Variants in LDB3 observed in about 807,000 individuals in gnomAD.
LDB3 encodes the protein LIM domain binding 3.
LDB3 carries 49 observed loss-of-function variants against 69.0 expected under a neutral mutation model. The ratio of observed to expected loss-of-function variants is 0.71; its 90% confidence interval spans 0.56 to 0.90. LDB3 has a LOEUF of 0.90. Among genes scored for constraint, LDB3 ranks in the 40% least tolerant of loss-of-function variants. The pLI, the probability that LDB3 is intolerant of heterozygous loss-of-function variation, is 0.00. For synonymous variants in LDB3, 387 were observed against 396.2 expected, an observed-to-expected ratio of 0.98 and a Z score of 0.28; for missense variants, 928 against 974.1, an observed-to-expected ratio of 0.95 and a Z score of 0.63.
At chr10:86,668,347 G>A (rs1589598071), upstream of LDB3, 1 of 388,602 alleles carries the variant, frequency 2.6e-6, no homozygotes, top group East Asian at 5.8e-5. Context: ...CCCCCCTGGG[G>A]GGTGCTGGGT....
intron 8 of LDB3, among the ~76,000 whole-genome samples, chr10:86,708,315 C>T (rs919642375): frequency 3.9e-5 from 6 of 152,224 alleles, no homozygotes; most frequent in Admixed American, 6.5e-5. Flanking sequence ...AAGCTACCTC[C>T]GCTCCTCACA....
At chr10:86,715,404 G>A (rs956221997) in intron 9 of LDB3, among the ~76,000 whole-genome samples, 1 of 152,120 alleles carries the variant, frequency 6.6e-6, no homozygotes, top group African/African-American at 2.4e-5. Flanking sequence ...CCCTGGCTAG[G>A]TGTTGAGGGC....
At chr10:86,687,149 G>C in intron 5 of LDB3, 1 of 1,614,212 alleles carries the variant, frequency 6.2e-7, no homozygotes, top group East Asian at 2.2e-5. Flanking sequence ...GAGGTGAAGG[G>C]GCTGGGCGGC....
At chr10:86,716,853 G>A (rs1310767193) in intron 10 of LDB3, 82 bp downstream of exon 10, 1 of 1,427,562 alleles carries the variant, frequency 7.0e-7, no homozygotes, top group African/African-American at 1.4e-5. Context: ...AGCCCTGGTT[G>A]GGAGAGATGG....
chr10:86,732,658 T>G, intron 13 of LDB3: 1 of 515,138 alleles, frequency 1.9e-6, no homozygotes, highest in South Asian at 1.7e-5. Context: ...CATGGCAACA[T>G]GCCCCTGGCT....
chr10:86,716,990 A>G (rs1038635716), intron 10 of LDB3, among the ~76,000 whole-genome samples: 1 of 152,218 alleles, frequency 6.6e-6, no homozygotes, highest in African/African-American at 2.4e-5. Flanking sequence ...GAGGAATGGC[A>G]TGAGGTATGT....
chr10:86,686,319 T>C (rs1845465356), intron 5 of LDB3, among the ~76,000 whole-genome samples: 1 of 152,162 alleles, frequency 6.6e-6, no homozygotes. Flanking sequence ...CGGGTGCCAG[T>C]GGAGCCGCTT....
chr10:86,692,429 G>A (rs977837510), intron 6 of LDB3, 106 bp from the exon 7 acceptor site: 24 of 1,147,286 alleles, frequency 2.1e-5, no homozygotes, highest in South Asian at 4.9e-5. Context: ...GGCAGTCACC[G>A]TGTGGGGCCT....
In LDB3 at chr10:86,685,775, A is replaced by C. The variant is rs1845433983; in HGVS notation, c.689+3972A>C. On this transcript the variant is annotated intron_variant, in intron 5 of 13. Transcript: ENST00000361373. ...ATGTGTCTGCGTGTGTCTGGCGTGG[A>C]TAGAGTGTGCCTGCTGGCATGTGTA... 1.9e-6 allele frequency: 3 copies of C among 1,542,746 alleles called. No homozygotes were observed. The African/African-American group carries it at 4.1e-5, about 21-fold the overall frequency.
At chr10:86,696,911 G>A (rs1300265736) in intron 7 of LDB3, among the ~76,000 whole-genome samples, 1 of 152,246 alleles carries the variant, frequency 6.6e-6, no homozygotes, top group Non-Finnish European at 1.5e-5. Context: ...CTGGGCTTCA[G>A]CTTCCTCTTA....
chr10:86,704,103 G>A (rs61857118), intron 7 of LDB3, among the ~76,000 whole-genome samples: 1 of 151,348 alleles, frequency 6.6e-6, no homozygotes, highest in African/African-American at 2.4e-5. Context: ...AACAGAGCGG[G>A]ACTCCGTCTC....
At chr10:86,670,374 C>T (rs1435081062) in intron 2 of LDB3, among the ~76,000 whole-genome samples, 5 of 152,184 alleles carry the variant, frequency 3.3e-5, no homozygotes, top group African/African-American at 7.2e-5. Context: ...GCTTGCAGGA[C>T]TCCTTCCTGT....
At position 86,673,292 on chromosome 10, in the gene LDB3, G is replaced by A. The variant is rs577173625; in HGVS notation, c.93+4508G>A. On this transcript the variant is annotated intron_variant, in intron 2 of 13. Transcript: ENST00000361373. The stretch of plus-strand genomic sequence containing the variant: ...GGGGAGGTGTGGTCAGCTACAGAGG[G>A]GGCAGTGACCCGTGGCTTTGGACAC... Among the ~76,000 whole-genome samples, 311 of 152,358 alleles carry A rather than the reference G, an allele frequency of 2.0e-3. 2 individuals are homozygous for A. Among genetic ancestry groups the A allele is most frequent in the Admixed American group, 4.6e-3 (70 of 15,310 alleles).
chr10:86,729,849 C>G (rs1847394417), intron 13 of LDB3, among the ~76,000 whole-genome samples: 1 of 152,190 alleles, frequency 6.6e-6, no homozygotes, highest in South Asian at 2.1e-4. Context: ...CACAAGCAAC[C>G]AGCATTGTCC....
intron 12 of LDB3, among the ~76,000 whole-genome samples, chr10:86,724,286 G>A (rs1376890339): frequency 1.4e-5 from 2 of 146,792 alleles, no homozygotes; most frequent in Non-Finnish European, 3.0e-5. Flanking sequence ...CACTCCACCT[G>A]GGTGACAGAG....
intron 13 of LDB3, 165 bp downstream of exon 13, chr10:86,726,417 C>A: frequency 1.5e-6 from 1 of 668,678 alleles, no homozygotes; most frequent in Non-Finnish European, 2.7e-6. Flanking sequence ...CACAGTCGAA[C>A]AAAGTTTCAT....
At chr10:86,732,003 C>CTTTTTTTTTTT (rs755552822) in intron 13 of LDB3, among the ~76,000 whole-genome samples, 9 of 123,232 alleles carry the variant, frequency 7.3e-5, no homozygotes, top group Non-Finnish European at 1.2e-4. Context: ...TTCTTTCTTT[C>CTTTTTTTTTTT]TTTTTCTTTT....
chr10:86,726,142 A>G lies in LDB3; in HGVS notation c.1984A>G (p.Ile662Val). 1 of 1,613,358 alleles carries G rather than the reference A, an allele frequency of 6.2e-7. No homozygotes were observed. Among genetic ancestry groups the G allele is most frequent in the Non-Finnish European group, 8.5e-7 (1 of 1,179,590 alleles). The change falls in exon 13 of 14, where the codon ATC becomes GTC. Residue 662 changes from isoleucine to valine, a missense_variant. Ile to Val is a conservative substitution (Grantham distance 29). Transcript: ENST00000361373. ...CACTCTGCTTTTCATTTCAGACTACATCAATCTGTTCAGCACCAAGTGCCA... is the reference window on the plus strand; with the variant it reads ...CACTCTGCTTTTCATTTCAGACTACGTCAATCTGTTCAGCACCAAGTGCCA... ...DGEPYCEKDY[I>V]NLFSTKCHGC...
chr10:86,696,427 T>C (rs532217461), intron 7 of LDB3, among the ~76,000 whole-genome samples: 3 of 152,226 alleles, frequency 2.0e-5, no homozygotes, highest in Non-Finnish European at 2.9e-5. Context: ...GAGCAGCCCC[T>C]GGGAGGTCGT....
Sources: allele counts gnomAD v4.1 joint callset (sites outside exome capture counted in the v4.1 genomes callset), GRCh38; gene constraint gnomAD v4.1.1; transcripts MANE v1.5; gene names NCBI Gene and HGNC (gene_info 2026-07-23, HGNC 2026-07-21).